The following PLA2G4E variants were observed in gnomAD, a reference collection of about 807,000 sequenced individuals.
PLA2G4E encodes cytosolic phospholipase A2 epsilon.
Under a neutral mutation model 109.1 loss-of-function variants are expected in PLA2G4E, and 84 were observed. That is an observed-to-expected ratio of 0.77 (90% CI 0.65 to 0.92). The LOEUF (loss-of-function observed/expected upper bound fraction) is 0.92, where lower values mean the gene tolerates loss of function less well. PLA2G4E is among the 40% of genes least tolerant of loss of function. The pLI, the probability that PLA2G4E is intolerant of heterozygous loss-of-function variation, is 0.00. For synonymous variants in PLA2G4E, 469 were observed against 436.1 expected (o/e 1.08, Z -0.94); for missense variants, 1,057 against 1,076.6 (o/e 0.98, Z 0.25).
At chr15:42,002,679 G>A (rs1315061606) in exon 6 of PLA2G4E, 1 of 1,583,830 alleles carries the variant, frequency 6.3e-7, no homozygotes. Flanking sequence ...GGTGACGAGG[G>A]TCTCAGGTGG....
At chr15:42,029,917 G>T (rs547234610) in intron 1 of PLA2G4E, among the ~76,000 whole-genome samples, 2 of 152,318 alleles carry the variant, frequency 1.3e-5, no homozygotes, top group East Asian at 3.9e-4. Context: ...AGGCAGGAAG[G>T]TTACACAGAT....
At chr15:42,036,627 G>C (rs898981766) in intron 1 of PLA2G4E, among the ~76,000 whole-genome samples, 26 of 152,166 alleles carry the variant, frequency 1.7e-4, no homozygotes, top group African/African-American at 6.0e-4. Flanking sequence ...CACCACCCTG[G>C]ACCGCCCCTG....
At chr15:42,044,245 T>C (rs746778783) in intron 1 of PLA2G4E, among the ~76,000 whole-genome samples, 1 of 152,062 alleles carries the variant, frequency 6.6e-6, no homozygotes, top group Non-Finnish European at 1.5e-5. Flanking sequence ...GGATTCTGAT[T>C]TGGGGAGACG....
At chr15:41,988,195 GC>G in intron 15 of PLA2G4E, 39 bp from the exon 16 acceptor site, 1 of 1,436,488 alleles carries the variant, frequency 7.0e-7, no homozygotes, top group Non-Finnish European at 9.6e-7. Context: ...CCACCCTGCA[GC>G]CCCAGGCCCC....
exon 20 of PLA2G4E, chr15:41,983,739 G>A (rs2141018336): frequency 1.3e-6 from 2 of 1,564,236 alleles, no homozygotes; most frequent in East Asian, 4.7e-5. Flanking sequence ...CAGAACAGGG[G>A]AGGCTCCCTG....
intron 17 of PLA2G4E, among the ~76,000 whole-genome samples, chr15:41,986,521 A>AC (rs1427278539): frequency 7.1e-6 from 1 of 140,078 alleles, no homozygotes; most frequent in Non-Finnish European, 1.6e-5. Context: ...CACCACTCAC[A>AC]TTTTTTTTTT....
At chr15:41,996,378 A>AAAAAT (rs1555385822) in intron 11 of PLA2G4E, among the ~76,000 whole-genome samples, 1 of 124,110 alleles carries the variant, frequency 8.1e-6, no homozygotes, top group Admixed American at 8.4e-5. Flanking sequence ...AAAAAAAAAA[A>AAAAAT]AGGAGGGAGG....
chr15:41,999,891 G>C (rs1013833277), intron 9 of PLA2G4E, 26 bp downstream of exon 9: 2 of 1,585,524 alleles, frequency 1.3e-6, no homozygotes, highest in Non-Finnish European at 1.7e-6. Context: ...GTAAGTCAGG[G>C]GCCCTTCCCA....
intron 2 of PLA2G4E, among the ~76,000 whole-genome samples, chr15:42,012,935 G>C (rs1206985691): frequency 6.6e-6 from 1 of 152,198 alleles, no homozygotes; most frequent in African/African-American, 2.4e-5. Flanking sequence ...CTCTGGATGG[G>C]GCCAGGGGTG....
intron 1 of PLA2G4E, among the ~76,000 whole-genome samples, chr15:42,035,631 G>A (rs1449540522): frequency 1.3e-5 from 2 of 152,082 alleles, no homozygotes; most frequent in Non-Finnish European, 2.9e-5. Context: ...AGATGGGCTC[G>A]GCACTTGGGC....
chr15:42,048,981 G>C (rs184545380), intron 1 of PLA2G4E, among the ~76,000 whole-genome samples: 1 of 152,214 alleles, frequency 6.6e-6, no homozygotes, highest in African/African-American at 2.4e-5. Flanking sequence ...CATTAACCTC[G>C]TTAGCAAGAC....
intron 13 of PLA2G4E, 35 bp from the exon 14 acceptor site, chr15:41,990,270 A>T (rs1433646876): frequency 2.5e-6 from 4 of 1,587,950 alleles, no homozygotes; most frequent in Non-Finnish European, 3.5e-6. Context: ...GAGAAGCAGC[A>T]GCCCAGAGGG....
chr15:42,002,554 G>T, intron 6 of PLA2G4E, 100 bp downstream of exon 6: 1 of 1,345,398 alleles, frequency 7.4e-7, no homozygotes, highest in Middle Eastern at 1.8e-4. Flanking sequence ...ATAGGACAGA[G>T]ACCAAGCTGG....
At chr15:41,992,005 G>C (rs1348740843) in intron 13 of PLA2G4E, among the ~76,000 whole-genome samples, 1 of 152,166 alleles carries the variant, frequency 6.6e-6, no homozygotes, top group African/African-American at 2.4e-5. Context: ...CCCTGTGCTG[G>C]GTAGCAGCTC....
intron 1 of PLA2G4E, among the ~76,000 whole-genome samples, chr15:42,017,700 G>A (rs1595570976): frequency 6.6e-6 from 1 of 152,130 alleles, no homozygotes; most frequent in Admixed American, 6.6e-5. Flanking sequence ...CTTTAAAACA[G>A]TTTTTCTGAC....
intron 1 of PLA2G4E, among the ~76,000 whole-genome samples, chr15:42,038,030 G>T (rs1170607397): frequency 6.6e-6 from 1 of 152,194 alleles, no homozygotes; most frequent in African/African-American, 2.4e-5. Context: ...ATAGCCACAG[G>T]TTTCTGGCCA....
chr15:42,018,329 T>C (rs8029818), intron 1 of PLA2G4E, among the ~76,000 whole-genome samples: 20,002 of 152,128 alleles, frequency 0.13, 2,965 homozygotes, highest in African/African-American at 0.36. Context: ...CAGGGTTGCT[T>C]ATGGTGTGGT....
At chr15:42,012,340 G>A (rs2068544141) in intron 2 of PLA2G4E, among the ~76,000 whole-genome samples, 1 of 151,980 alleles carries the variant, frequency 6.6e-6, no homozygotes, top group Non-Finnish European at 1.5e-5. Context: ...TCACTTCCTG[G>A]TTCTCCATAC....
chr15:42,046,215 A>G (rs1566853627), intron 1 of PLA2G4E, among the ~76,000 whole-genome samples: 1 of 152,222 alleles, frequency 6.6e-6, no homozygotes, highest in Non-Finnish European at 1.5e-5. Flanking sequence ...TCCACAAAAC[A>G]GACAAAGTGA....
Sources: gnomAD v4.1 joint callset for allele counts (sites outside exome capture counted in the v4.1 genomes callset) on GRCh38, gnomAD v4.1.1 for gene constraint, MANE v1.5 for transcripts, NCBI Gene and HGNC (gene_info 2026-07-23, HGNC 2026-07-21) for gene names.